Variants in TRAM1 observed in about 807,000 individuals in gnomAD.
TRAM1 encodes the protein translocation associated membrane protein 1, also known as translocating chain-associated membrane protein 1.
TRAM1 carries 17 observed loss-of-function variants against 48.7 expected under a neutral mutation model. The ratio of observed to expected loss-of-function variants is 0.35; its 90% confidence interval spans 0.24 to 0.52. TRAM1 has a LOEUF of 0.52. Among genes scored for constraint, TRAM1 ranks in the 20% least tolerant of loss-of-function variants. The probability of loss-of-function intolerance (pLI) is 0.94; values close to 1 mark genes in which losing one functional copy is unlikely to be tolerated. For synonymous variants in TRAM1, 182 were observed against 154.0 expected, an observed-to-expected ratio of 1.18 and a Z score of -1.34; for missense variants, 351 against 441.5, an observed-to-expected ratio of 0.79 and a Z score of 1.84.
At chr8:70,602,498 T>C (rs913521912) in intron 1 of TRAM1, among the ~76,000 whole-genome samples, 2 of 152,100 alleles carry the variant, frequency 1.3e-5, no homozygotes, top group African/African-American at 4.8e-5. Context: ...TCCTCTTAGA[T>C]GGGAAGAAGG....
At chr8:70,576,229 C>CTT (rs1473613767) in intron 10 of TRAM1, among the ~76,000 whole-genome samples, 2 of 152,142 alleles carry the variant, frequency 1.3e-5, no homozygotes, top group East Asian at 3.9e-4. Context: ...AAAGATCCAT[C>CTT]TCAAGAAGGT....
At chr8:70,605,355 G>A (rs756305642) in intron 1 of TRAM1, among the ~76,000 whole-genome samples, 2 of 152,168 alleles carry the variant, frequency 1.3e-5, no homozygotes, top group Non-Finnish European at 2.9e-5. Context: ...AAGCTGCAGA[G>A]CCCTAACTTG....
chr8:70,592,466 T>C (rs367753029), intron 6 of TRAM1, among the ~76,000 whole-genome samples: 3 of 152,366 alleles, frequency 2.0e-5, no homozygotes, highest in African/African-American at 7.2e-5. Flanking sequence ...AACAGTTACT[T>C]TCAACTGTCA....
chr8:70,575,144 A>T, intron 10 of TRAM1, 139 bp from the exon 11 acceptor site: 1 of 565,006 alleles, frequency 1.8e-6, no homozygotes, highest in Non-Finnish European at 3.0e-6. Flanking sequence ...GTATTTAACC[A>T]ATCACAAAAC....
chr8:70,600,356 T>C (rs1052470598), intron 1 of TRAM1, among the ~76,000 whole-genome samples: 5 of 152,208 alleles, frequency 3.3e-5, no homozygotes, highest in African/African-American at 1.2e-4. Context: ...AAAACAGTTA[T>C]TTGACAAATG....
chr8:70,588,422 C>CA (rs1380593505), intron 6 of TRAM1, among the ~76,000 whole-genome samples: 2 of 151,760 alleles, frequency 1.3e-5, no homozygotes, highest in East Asian at 3.9e-4. Context: ...CCCATCTCTA[C>CA]AAAAAAATGT....
chr8:70,583,309 T>C lies in TRAM1; in HGVS notation c.906A>G (p.Ala302=), dbSNP rs1445433300. Residue 302 remains alanine (A), a synonymous_variant, in exon 10 of 11, where the codon GCA becomes GCG. Transcript: ENST00000262213. ...NVLAVRIAVL[A]SICVTQAFMM... ...TAAATGCCTGAGTAACGCAAATGGA[T>C]GCCAGAACAGCGATTCTAAGAAATA... 6.2e-7 allele frequency: 1 copy of C among 1,613,540 alleles called. No individual in the cohort carries two copies. The highest frequency in any genetic ancestry group is 1.7e-5 in the Admixed American group (1 of 59,854).
At position 70,583,654 on chromosome 8, in the gene TRAM1, C is replaced by T. The variant is rs1817133822; in HGVS notation, c.886G>A (p.Val296Ile). The change falls in exon 9 of 11, where the codon GTT becomes ATT. Residue 296 changes from valine to isoleucine, a missense_variant. Physicochemically the swap from Val to Ile is conservative, Grantham distance 29. Transcript: ENST00000262213. ...AAAATGTTAAATTGATCGTACCTAACAGCTAACACATTGAAGTTTCCAGTA... is the reference window on the plus strand; with the variant it reads ...AAAATGTTAAATTGATCGTACCTAATAGCTAACACATTGAAGTTTCCAGTA... The part of the protein sequence containing the change: ...FSTGNFNVLA[V>I]RIAVLASICV... 6.2e-7 allele frequency: 1 copy of T among 1,609,664 alleles called. No homozygotes were observed. The highest frequency in any genetic ancestry group is 1.1e-5 in the South Asian group (1 of 89,952).
chr8:70,576,665 T>C (rs1456263403), intron 10 of TRAM1, among the ~76,000 whole-genome samples: 1 of 152,174 alleles, frequency 6.6e-6, no homozygotes, highest in Non-Finnish European at 1.5e-5. Flanking sequence ...CACTTCTCAG[T>C]GATGGCAGCG....
chr8:70,607,625 G>A (rs1340022111), intron 1 of TRAM1: 2 of 350,842 alleles, frequency 5.7e-6, no homozygotes, highest in East Asian at 1.7e-4. Flanking sequence ...GCCTTCCCCG[G>A]CCCTCGCGGG....
intron 1 of TRAM1, among the ~76,000 whole-genome samples, chr8:70,604,518 C>T (rs1323350220): frequency 6.6e-6 from 1 of 151,474 alleles, no homozygotes; most frequent in East Asian, 1.9e-4. Flanking sequence ...GACCCTGTCT[C>T]AAAAAAAAGA....
intron 10 of TRAM1, among the ~76,000 whole-genome samples, chr8:70,579,331 A>T (rs140477571): frequency 1.3e-3 from 204 of 152,368 alleles, no homozygotes; most frequent in African/African-American, 4.7e-3. Context: ...ATCTAAACAT[A>T]GAAATGGTAT....
chr8:70,578,348 A>T (rs1817005414), intron 10 of TRAM1, among the ~76,000 whole-genome samples: 1 of 152,222 alleles, frequency 6.6e-6, no homozygotes, highest in African/African-American at 2.4e-5. Context: ...GGCTCAAGTG[A>T]TCCACCCATC....
At position 70,574,315 on chromosome 8, in the gene TRAM1, A is replaced by C. The variant is rs973752761; in HGVS notation, c.*617T>G. 2.7e-6 allele frequency: 1 copy of C among 367,438 alleles called. No homozygotes were observed. Among genetic ancestry groups the C allele is most frequent in the Non-Finnish European group, 5.2e-6 (1 of 192,038 alleles). The allele number at this position is 367,438 out of a possible 1,614,324, so 22.8% of individuals were successfully genotyped here. On this transcript the variant is annotated 3_prime_UTR_variant, in exon 11 of 11. Transcript: ENST00000262213. The stretch of plus-strand genomic sequence containing the variant: ...TTTGATTTAATATGTATGTTAGTAA[A>C]ACTCCACGTGTTGTAACGATTATTA...
At chr8:70,579,941 C>T (rs1275256657) in intron 10 of TRAM1, among the ~76,000 whole-genome samples, 1 of 151,950 alleles carries the variant, frequency 6.6e-6, no homozygotes, top group African/African-American at 2.4e-5. Flanking sequence ...TTTTTCAGTA[C>T]CTGGATAGTA....
intron 5 of TRAM1, among the ~76,000 whole-genome samples, chr8:70,595,785 G>C (rs564355612): frequency 6.6e-6 from 1 of 152,098 alleles, no homozygotes; most frequent in South Asian, 2.1e-4. Flanking sequence ...CTCGAATAAT[G>C]AATTATTCAG....
chr8:70,600,805 T>C (rs1817592870), intron 1 of TRAM1, among the ~76,000 whole-genome samples: 1 of 151,964 alleles, frequency 6.6e-6, no homozygotes, highest in South Asian at 2.1e-4. Flanking sequence ...TGGTTTTTTT[T>C]CTGGGGTGGA....
chr8:70,586,839 T>C, intron 8 of TRAM1, 56 bp downstream of exon 8: 1 of 1,423,508 alleles, frequency 7.0e-7, no homozygotes, highest in Non-Finnish European at 9.9e-7. Context: ...TTGGCAATGT[T>C]AGGCACTGAC....
intron 8 of TRAM1, among the ~76,000 whole-genome samples, chr8:70,585,121 T>C (rs1418778062): frequency 6.6e-6 from 1 of 152,122 alleles, no homozygotes; most frequent in Non-Finnish European, 1.5e-5. Flanking sequence ...TCAGAAATAA[T>C]GCTGCATATC....
Sources: allele counts gnomAD v4.1 joint callset (sites outside exome capture counted in the v4.1 genomes callset), GRCh38; gene constraint gnomAD v4.1.1; transcripts MANE v1.5; gene names NCBI Gene and HGNC (gene_info 2026-07-23, HGNC 2026-07-21).